Variants in MYH10 observed in about 807,000 individuals in gnomAD.
MYH10 encodes the protein myosin heavy chain 10.
MYH10 carries 55 observed loss-of-function variants against 257.8 expected under a neutral mutation model. The ratio of observed to expected loss-of-function variants is 0.21; its 90% CI spans 0.17 to 0.27. The LOEUF (loss-of-function observed/expected upper bound fraction) is 0.27, where lower values mean the gene tolerates loss of function less well. MYH10 is among the 10% of genes least tolerant of loss of function. The pLI is 1.00. For missense variants in MYH10, 1,631 were observed against 2,500.6 expected, an observed-to-expected ratio of 0.65 and a Z score of 7.42; for synonymous variants, 854 against 921.7, an observed-to-expected ratio of 0.93 and a Z score of 1.33.
intron 6 of MYH10, among the ~76,000 whole-genome samples, chr17:8,573,330 G>GGCA (rs2083407924): frequency 6.6e-6 from 1 of 152,182 alleles, no homozygotes; most frequent in Non-Finnish European, 1.5e-5. Flanking sequence ...GTTAAAAGCA[G>GGCA]GCAGCAGCAA....
chr17:8,489,708 AACACACACACAC>A (rs59065540), intron 35 of MYH10, among the ~76,000 whole-genome samples: 1 of 93,084 alleles, frequency 1.1e-5, no homozygotes, highest in African/African-American at 3.7e-5. Context: ...CGTCTGAAAA[AACACACACACAC>A]ACACACACAC....
At chr17:8,558,753 A>T (rs1029579751) in intron 7 of MYH10, among the ~76,000 whole-genome samples, 3 of 152,266 alleles carry the variant, frequency 2.0e-5, no homozygotes, top group African/African-American at 7.2e-5. Flanking sequence ...TATTTTGTTG[A>T]CAAGAGAAAG....
At chr17:8,622,459 A>T (rs572072991) in intron 2 of MYH10, among the ~76,000 whole-genome samples, 76 of 152,186 alleles carry the variant, frequency 5.0e-4, no homozygotes, top group African/African-American at 1.8e-3. Flanking sequence ...TCCCTACTAC[A>T]TCCAGTGAAG....
intron 29 of MYH10, among the ~76,000 whole-genome samples, chr17:8,500,099 G>C (rs1007690473): frequency 2.6e-5 from 4 of 152,154 alleles, no homozygotes; most frequent in Non-Finnish European, 4.4e-5. Flanking sequence ...ACTCGTGTAG[G>C]GTACTTAGCA....
At chr17:8,575,748 C>G (rs1377407581) in intron 6 of MYH10, among the ~76,000 whole-genome samples, 1 of 152,290 alleles carries the variant, frequency 6.6e-6, no homozygotes, top group Admixed American at 6.5e-5. Context: ...CAACCAAAAC[C>G]ATTCCCATGC....
intron 1 of MYH10, among the ~76,000 whole-genome samples, chr17:8,627,346 C>T (rs888972167): frequency 4.6e-5 from 7 of 152,090 alleles, no homozygotes; most frequent in African/African-American, 1.7e-4. Flanking sequence ...TGGTCCCAAC[C>T]CTCATAGTGA....
chr17:8,547,029 G>A (rs2082467477), intron 11 of MYH10, among the ~76,000 whole-genome samples: 1 of 152,080 alleles, frequency 6.6e-6, no homozygotes, highest in Admixed American at 6.6e-5. Context: ...ACTTGGGCTG[G>A]TTCACTCCTC....
chr17:8,554,622 C>T (rs1032954739), intron 7 of MYH10, among the ~76,000 whole-genome samples: 2 of 151,912 alleles, frequency 1.3e-5, no homozygotes, highest in African/African-American at 4.8e-5. Context: ...ATAAAGTTGT[C>T]ATAACACTGA....
chr17:8,602,943 T>A (rs1657328244), intron 3 of MYH10, among the ~76,000 whole-genome samples: 1 of 152,196 alleles, frequency 6.6e-6, no homozygotes, highest in South Asian at 2.1e-4. Context: ...AAAAATGATA[T>A]TAATAATATG....
chr17:8,525,960 T>C (rs2081831696), intron 17 of MYH10, among the ~76,000 whole-genome samples: 1 of 152,160 alleles, frequency 6.6e-6, no homozygotes, highest in Non-Finnish European at 1.5e-5. Context: ...GCCTGGCTAA[T>C]TTTTGTATTT....
chr17:8,569,873 C>G lies in MYH10; in HGVS notation c.664-61G>C, dbSNP rs1315055311. 7.9e-7 allele frequency: 1 copy of G among 1,272,058 alleles called. No homozygotes were observed. The highest frequency in any genetic ancestry group is 1.5e-5 in the African/African-American group (1 of 66,034). The allele number at this position is 1,272,058 out of a possible 1,614,324, so 78.8% of individuals were successfully genotyped here. A position where few individuals can be genotyped will look rare whatever the true frequency, so the allele number is the denominator to read the frequency against. ...TGTACGTTAATCTAATGTCTTTACT[C>G]AAGTCATCAGGGGAAAAATTTCTAA... On this transcript the variant is annotated intron_variant, in intron 6 of 42. Transcript: ENST00000360416. This position sits in a 1 kb window ranked among gnomAD's most constrained non-coding sequence, Gnocchi z 4.1.
intron 9 of MYH10, among the ~76,000 whole-genome samples, chr17:8,550,170 C>T (rs2082580266): frequency 6.7e-6 from 1 of 150,048 alleles, no homozygotes; most frequent in East Asian, 2.0e-4. Context: ...TGTGAGGAGC[C>T]CCTCTGCCTG....
chr17:8,597,044 A>G (rs1169864430), intron 3 of MYH10, among the ~76,000 whole-genome samples: 1 of 152,160 alleles, frequency 6.6e-6, no homozygotes, highest in African/African-American at 2.4e-5. Flanking sequence ...TACTTGATGC[A>G]CTTGTGTCTA....
At chr17:8,571,179 G>GC (rs2152004483) in intron 6 of MYH10, among the ~76,000 whole-genome samples, 1 of 144,740 alleles carries the variant, frequency 6.9e-6, no homozygotes, top group African/African-American at 2.6e-5. Context: ...TAAAGTTTTT[G>GC]TTTTTTTTTT....
intron 23 of MYH10, among the ~76,000 whole-genome samples, chr17:8,512,876 C>T (rs1161425207): frequency 6.6e-6 from 1 of 151,996 alleles, no homozygotes; most frequent in Non-Finnish European, 1.5e-5. Context: ...GTGAATAATA[C>T]ATATTAAATT....
At chr17:8,612,750 C>G (rs900358300) in intron 2 of MYH10, among the ~76,000 whole-genome samples, 8 of 151,898 alleles carry the variant, frequency 5.3e-5, no homozygotes, top group African/African-American at 1.9e-4. Flanking sequence ...ACTCAAGAGG[C>G]TGAGGCAGTG....
chr17:8,572,223 CCT>C (rs71699225), intron 6 of MYH10, among the ~76,000 whole-genome samples: 130,825 of 143,162 alleles, frequency 0.91, 59,945 homozygotes, highest in East Asian at 0.98. Flanking sequence ...CTTTTCTTTT[CCT>C]CTCTGTGTGT....
chr17:8,498,615 A>T (rs1917040704), intron 30 of MYH10, among the ~76,000 whole-genome samples: 1 of 151,966 alleles, frequency 6.6e-6, no homozygotes, highest in Admixed American at 6.6e-5. Flanking sequence ...TGGGAGGCTG[A>T]GGGGGGCGGA....
intron 32 of MYH10, among the ~76,000 whole-genome samples, chr17:8,493,492 C>T (rs1481025575): frequency 6.6e-6 from 1 of 152,162 alleles, no homozygotes; most frequent in Non-Finnish European, 1.5e-5. Context: ...AGCTAATAGT[C>T]CATAAAATGA....
Sources: allele counts gnomAD v4.1 joint callset (sites outside exome capture counted in the v4.1 genomes callset), GRCh38; gene constraint gnomAD v4.1.1; non-coding constraint Gnocchi (gnomAD v3.1); transcripts MANE v1.5; gene names NCBI Gene and HGNC (gene_info 2026-07-23, HGNC 2026-07-21).